The following ANK3 variants were observed in gnomAD, a reference collection of about 807,000 sequenced individuals.
ANK3 encodes ankyrin-3.
A neutral mutation model predicts 370.9 loss-of-function variants in ANK3; 57 were observed. The ratio of observed to expected loss-of-function variants is 0.15; its 90% CI spans 0.12 to 0.19. The LOEUF (loss-of-function observed/expected upper bound fraction) is 0.19. Among genes scored for constraint, ANK3 ranks in the 10% least tolerant of loss-of-function variants. The pLI is 1.00. For missense variants in ANK3, 4,439 were observed against 5,302.1 expected, an observed-to-expected ratio of 0.84 and a Z score of 5.06; for synonymous variants, 1,929 against 1,946.3, an observed-to-expected ratio of 0.99 and a Z score of 0.23.
intron 2 of ANK3, among the ~76,000 whole-genome samples, chr10:60,456,571 C>G (rs185227197): frequency 6.6e-6 from 1 of 152,100 alleles, no homozygotes; most frequent in Non-Finnish European, 1.5e-5. Context: ...CTGCAACTGC[C>G]AATTGGAATT....
chr10:60,396,828 C>T (rs1461433585), intron 2 of ANK3, among the ~76,000 whole-genome samples: 1 of 152,164 alleles, frequency 6.6e-6, no homozygotes, highest in Non-Finnish European at 1.5e-5. Flanking sequence ...AGACCTTATC[C>T]TACCTAGTTT....
chr10:60,379,658 T>TA (rs201875316), intron 1 of ANK3, among the ~76,000 whole-genome samples: 4 of 149,830 alleles, frequency 2.7e-5, no homozygotes, highest in East Asian at 3.9e-4. Flanking sequence ...ACGCAGACAC[T>TA]AAAAAAAAAG....
intron 7 of ANK3, among the ~76,000 whole-genome samples, chr10:60,244,220 T>C (rs1348273993): frequency 1.3e-5 from 2 of 152,166 alleles, no homozygotes; most frequent in South Asian, 2.1e-4. Flanking sequence ...TTGTGATAAA[T>C]GGGAAACTTT....
intron 2 of ANK3, among the ~76,000 whole-genome samples, chr10:60,409,843 C>T (rs1218938110): frequency 1.3e-5 from 2 of 152,124 alleles, no homozygotes; most frequent in East Asian, 1.9e-4. Flanking sequence ...ATATGATGTG[C>T]CTCCCACGAG....
At chr10:60,204,707 A>G (rs1018383423) in intron 11 of ANK3, among the ~76,000 whole-genome samples, 1 of 152,068 alleles carries the variant, frequency 6.6e-6, no homozygotes, top group Non-Finnish European at 1.5e-5. Context: ...TATGAAGACC[A>G]GTCAGACTCA....
intron 7 of ANK3, among the ~76,000 whole-genome samples, chr10:60,243,980 G>T (rs1592348404): frequency 6.6e-6 from 1 of 152,280 alleles, no homozygotes; most frequent in Non-Finnish European, 1.5e-5. Flanking sequence ...GACATATGTG[G>T]TATATAACAT....
intron 1 of ANK3, among the ~76,000 whole-genome samples, chr10:60,643,289 C>T (rs908051452): frequency 6.6e-6 from 1 of 152,102 alleles, no homozygotes; most frequent in Non-Finnish European, 1.5e-5. Flanking sequence ...GCCAGCACAG[C>T]CAGAATAAAG....
At chr10:60,231,308 C>T (rs10994265) in intron 8 of ANK3, among the ~76,000 whole-genome samples, 25,900 of 152,160 alleles carry the variant, frequency 0.17, 2,314 homozygotes, top group African/African-American at 0.19. Context: ...ACTGAATCCT[C>T]TATTCTGTGA....
At chr10:60,491,047 A>G (rs2075486968) in intron 2 of ANK3, among the ~76,000 whole-genome samples, 1 of 152,158 alleles carries the variant, frequency 6.6e-6, no homozygotes, top group African/African-American at 2.4e-5. Flanking sequence ...ACCCTTTTGT[A>G]TCTGGCTTTT....
intron 1 of ANK3, among the ~76,000 whole-genome samples, chr10:60,333,608 A>G (rs2052000786): frequency 6.6e-6 from 1 of 152,210 alleles, no homozygotes; most frequent in African/African-American, 2.4e-5. Context: ...TGCAATAAAC[A>G]TATGTGTGCA....
At chr10:60,139,109 C>T in intron 23 of ANK3, 22 bp from the exon 24 acceptor site, 1 of 1,606,226 alleles carries the variant, frequency 6.2e-7, no homozygotes, top group Non-Finnish European at 8.5e-7. Context: ...GAGAGTAAGC[C>T]CACATCAAAA....
chr10:60,219,315 T>C (rs550845366), intron 8 of ANK3, among the ~76,000 whole-genome samples: 1 of 152,142 alleles, frequency 6.6e-6, no homozygotes, highest in African/African-American at 2.4e-5. Context: ...TACTTAATGA[T>C]CTTTCACCCA....
chr10:60,135,595 C>A (rs10994216), intron 24 of ANK3, among the ~76,000 whole-genome samples: 2,509 of 152,294 alleles, frequency 0.016, 58 homozygotes, highest in East Asian at 0.074. Context: ...ATTAAAAAAC[C>A]ATCTGGATCT....
chr10:60,565,432 T>G (rs1397495099), intron 2 of ANK3, among the ~76,000 whole-genome samples: 2 of 150,546 alleles, frequency 1.3e-5, no homozygotes, highest in African/African-American at 4.9e-5. Context: ...CAGGGCAGAC[T>G]GATATCAGTC....
intron 1 of ANK3, among the ~76,000 whole-genome samples, chr10:60,679,033 A>C (rs1249708319): frequency 6.6e-6 from 1 of 152,230 alleles, no homozygotes; most frequent in Non-Finnish European, 1.5e-5. Context: ...GAGAGTGCTC[A>C]GGGTGGAGAC....
intron 1 of ANK3, among the ~76,000 whole-genome samples, chr10:60,347,657 G>A (rs939610023): frequency 6.6e-6 from 1 of 152,062 alleles, no homozygotes; most frequent in African/African-American, 2.4e-5. Flanking sequence ...CCAAATTGGT[G>A]AATTGATACA....
At chr10:60,218,097 C>CTTTTTTTTTGTTTTTTTTTT (rs2096971988) in intron 8 of ANK3, among the ~76,000 whole-genome samples, 1 of 126,156 alleles carries the variant, frequency 7.9e-6, no homozygotes, top group African/African-American at 3.2e-5. Context: ...CTTTTTCTTT[C>CTTTTTTTTTGTTTTTTTTTT]TTTTTTTTTT....
intron 1 of ANK3, among the ~76,000 whole-genome samples, chr10:60,327,538 T>C (rs933983204): frequency 6.6e-6 from 1 of 152,196 alleles, no homozygotes; most frequent in Non-Finnish European, 1.5e-5. Context: ...CTGGAGTCCC[T>C]CCCTGTCCTC....
intron 2 of ANK3, among the ~76,000 whole-genome samples, chr10:60,398,217 C>A (rs1341890533): frequency 6.6e-6 from 1 of 152,194 alleles, no homozygotes; most frequent in East Asian, 1.9e-4. Flanking sequence ...ACCAAATATA[C>A]TCCTTGTTAA....
Sources: gnomAD v4.1 joint callset for allele counts (sites outside exome capture counted in the v4.1 genomes callset) on GRCh38, gnomAD v4.1.1 for gene constraint, MANE v1.5 for transcripts, NCBI Gene and HGNC (gene_info 2026-07-23, HGNC 2026-07-21) for gene names.